The following GALNT13 variants were observed in gnomAD, a reference collection of about 807,000 sequenced individuals.
GALNT13 encodes polypeptide N-acetylgalactosaminyltransferase 13.
In GALNT13, 28 loss-of-function variants were observed where a neutral mutation model predicts 64.2. The ratio of observed to expected loss-of-function variants is 0.44; its 90% CI spans 0.32 to 0.60. The LOEUF (loss-of-function observed/expected upper bound fraction) is 0.60. Ranked by LOEUF, GALNT13 falls within the 20% of genes least tolerant of loss-of-function variation. The pLI, the probability that GALNT13 is intolerant of heterozygous loss-of-function variation, is 0.05. For missense variants in GALNT13, 577 were observed against 669.8 expected, an observed-to-expected ratio of 0.86 and a Z score of 1.53; for synonymous variants, 214 against 224.6, an observed-to-expected ratio of 0.95 and a Z score of 0.42.
the GALNT13 span, among the ~76,000 whole-genome samples, chr2:153,771,492 A>C: frequency 4.6e-5 from 7 of 151,998 alleles, no homozygotes; most frequent in Non-Finnish European, 7.4e-5. Context: ...TGGAGCAAAA[A>C]GTTTACCTTT....
the GALNT13 span, among the ~76,000 whole-genome samples, chr2:153,782,436 C>T: frequency 0.23 from 35,131 of 151,946 alleles, 4,381 homozygotes; most frequent in Non-Finnish European, 0.28. Context: ...AATTGTAACA[C>T]AATGGTATTT....
intron 3 of GALNT13, among the ~76,000 whole-genome samples, chr2:154,019,838 C>A (rs1462649232): frequency 6.6e-6 from 1 of 151,958 alleles, no homozygotes; most frequent in East Asian, 1.9e-4. Context: ...TCTCCTAATG[C>A]TATCCCTCCC....
the GALNT13 span, among the ~76,000 whole-genome samples, chr2:153,835,713 T>C: frequency 6.6e-6 from 1 of 152,078 alleles, no homozygotes; most frequent in Admixed American, 6.6e-5. Flanking sequence ...ATCACATATA[T>C]TTACATGATT....
At chr2:153,222,342 G>GGGGGGT in the GALNT13 span, among the ~76,000 whole-genome samples, 1 of 127,032 alleles carries the variant, frequency 7.9e-6, no homozygotes. Context: ...TGGGGGGGGG[G>GGGGGGT]GTTGGGCTTA....
At chr2:153,393,925 T>C in the GALNT13 span, among the ~76,000 whole-genome samples, 5 of 149,974 alleles carry the variant, frequency 3.3e-5, no homozygotes, top group East Asian at 9.9e-4. Context: ...AAATAATCAA[T>C]TTCTTTCTCT....
At chr2:153,266,567 G>A in the GALNT13 span, among the ~76,000 whole-genome samples, 2 of 63,902 alleles carry the variant, frequency 3.1e-5, no homozygotes, top group African/African-American at 9.1e-5. Flanking sequence ...TCTTCACAAG[G>A]TGGCAGGAGA....
chr2:154,168,227 G>A (rs1434351913), intron 4 of GALNT13, among the ~76,000 whole-genome samples: 1 of 152,154 alleles, frequency 6.6e-6, no homozygotes, highest in African/African-American at 2.4e-5. Context: ...GCCGACAACT[G>A]CAGAATCTGC....
At chr2:153,229,129 A>G in the GALNT13 span, among the ~76,000 whole-genome samples, 1 of 152,170 alleles carries the variant, frequency 6.6e-6, no homozygotes, top group Non-Finnish European at 1.5e-5. Flanking sequence ...TGGGGCATAC[A>G]CTAGCAAACA....
the GALNT13 span, among the ~76,000 whole-genome samples, chr2:153,163,069 C>T: frequency 6.6e-6 from 1 of 152,108 alleles, no homozygotes; most frequent in Non-Finnish European, 1.5e-5. Context: ...AATGTCTTAC[C>T]AGTCATTCTC....
intron 11 of GALNT13, chr2:154,437,138 A>G (rs799773): frequency 0.97 from 148,502 of 153,316 alleles, 72,097 homozygotes; most frequent in East Asian, 1. Flanking sequence ...GGCTCAAGCA[A>G]TCCTCTCGCC....
In GALNT13 at chr2:153,903,342, C is replaced by T. The variant is rs114455204; in HGVS notation, c.-105+2335C>T. Among the ~76,000 whole-genome samples, 995 of 152,068 alleles carry T rather than the reference C, an allele frequency of 6.5e-3. 8 individuals carry two copies. The highest frequency in any genetic ancestry group is 0.022 in the African/African-American group (916 of 41,520). On this transcript the variant is annotated intron_variant, in intron 2 of 12. Transcript: ENST00000392825. ...AAAACTAATTTTGACGAGGGAAAAA[C>T]GTAACACTCAGCATATGGAGTATCT...
chr2:153,502,810 G>A, the GALNT13 span, among the ~76,000 whole-genome samples: 1 of 152,080 alleles, frequency 6.6e-6, no homozygotes, highest in African/African-American at 2.4e-5. Context: ...TCACATTGTG[G>A]TTTTCATTTG....
chr2:154,443,194 A>G (rs1701391167), intron 12 of GALNT13, among the ~76,000 whole-genome samples: 1 of 152,046 alleles, frequency 6.6e-6, no homozygotes, highest in Non-Finnish European at 1.5e-5. Flanking sequence ...CCATATTCCT[A>G]TTGACCCATA....
At chr2:153,921,860 A>G (rs915052169) in intron 2 of GALNT13, among the ~76,000 whole-genome samples, 27 of 152,168 alleles carry the variant, frequency 1.8e-4, no homozygotes, top group African/African-American at 5.1e-4. Flanking sequence ...TCCAGGTCAG[A>G]TGGTTTTTAT....
At chr2:153,393,947 T>TACACACACAC in the GALNT13 span, among the ~76,000 whole-genome samples, 3 of 128,176 alleles carry the variant, frequency 2.3e-5, no homozygotes, top group African/African-American at 6.2e-5. Flanking sequence ...TCTCTCTGTC[T>TACACACACAC]ACACACACAC....
chr2:153,648,270 C>G, the GALNT13 span, among the ~76,000 whole-genome samples: 1 of 152,078 alleles, frequency 6.6e-6, no homozygotes, highest in Non-Finnish European at 1.5e-5. Flanking sequence ...CTCTGTTTGT[C>G]TGATATTGGT....
chr2:153,877,835 G>T (rs780199751), intron 1 of GALNT13, among the ~76,000 whole-genome samples: 1 of 152,160 alleles, frequency 6.6e-6, no homozygotes, highest in African/African-American at 2.4e-5. Context: ...GCTAAAATTC[G>T]TTGGTTGTTT....
At chr2:154,318,823 A>G (rs1202943321) in intron 9 of GALNT13, among the ~76,000 whole-genome samples, 2 of 152,160 alleles carry the variant, frequency 1.3e-5, no homozygotes, top group African/African-American at 4.8e-5. Flanking sequence ...CCCAATGGTT[A>G]AACATGGTTG....
the GALNT13 span, among the ~76,000 whole-genome samples, chr2:153,601,062 A>G: frequency 6.6e-6 from 1 of 151,916 alleles, no homozygotes; most frequent in Non-Finnish European, 1.5e-5. Flanking sequence ...GAAATTCAAG[A>G]CATTACTAAC....
Sources: allele counts gnomAD v4.1 joint callset (sites outside exome capture counted in the v4.1 genomes callset), GRCh38; gene constraint gnomAD v4.1.1; transcripts MANE v1.5; gene names NCBI Gene and HGNC (gene_info 2026-07-23, HGNC 2026-07-21).